The following ABCG2 variants were observed in gnomAD, a reference collection of about 807,000 sequenced individuals.
The protein encoded by ABCG2 is broad substrate specificity ATP-binding cassette transporter ABCG2.
In ABCG2, 80 loss-of-function variants were observed where a neutral mutation model predicts 73.5. That is an observed-to-expected ratio of 1.09 (90% CI 0.91 to 1.31). The LOEUF is 1.31. Among genes scored for constraint, ABCG2 ranks in the 50% most tolerant of loss-of-function variants. The pLI, the probability that ABCG2 is intolerant of heterozygous loss-of-function variation, is 0.00. For synonymous variants in ABCG2, 269 were observed against 282.4 expected (o/e 0.95, Z 0.48); for missense variants, 796 against 786.2 (o/e 1.01, Z -0.15).
chr4:88,203,003 G>C (rs1278525675), intron 1 of ABCG2, among the ~76,000 whole-genome samples: 1 of 151,984 alleles, frequency 6.6e-6, no homozygotes, highest in East Asian at 1.9e-4. Flanking sequence ...AATAGGGTAG[G>C]TTTCCATTTA....
chr4:88,212,921 C>T (rs1332928348), intron 1 of ABCG2, among the ~76,000 whole-genome samples: 2 of 152,050 alleles, frequency 1.3e-5, no homozygotes, highest in Non-Finnish European at 2.9e-5. Context: ...TTTTTTGAGA[C>T]AGGGTTTTGC....
intron 5 of ABCG2, among the ~76,000 whole-genome samples, chr4:88,124,441 A>G (rs1724242039): frequency 6.6e-6 from 1 of 152,358 alleles, no homozygotes; most frequent in African/African-American, 2.4e-5. Flanking sequence ...AGATACACAT[A>G]GGCTCAAAAT....
At chr4:88,165,314 G>A (rs1727473192) in intron 1 of ABCG2, among the ~76,000 whole-genome samples, 1 of 152,334 alleles carries the variant, frequency 6.6e-6, no homozygotes. Flanking sequence ...TGGGTCAGAA[G>A]TCTAAAATGG....
At chr4:88,209,293 G>A (rs1423799112) in intron 1 of ABCG2, among the ~76,000 whole-genome samples, 2 of 124,080 alleles carry the variant, frequency 1.6e-5, no homozygotes, top group African/African-American at 3.2e-5. Flanking sequence ...CTGGGCGACA[G>A]AGCGAGACTC....
At chr4:88,114,834 G>A in intron 8 of ABCG2, 123 bp downstream of exon 8, 1 of 582,180 alleles carries the variant, frequency 1.7e-6, no homozygotes, top group East Asian at 2.9e-5. Context: ...TATTTGTGTT[G>A]ACTGGTATCA....
chr4:88,179,341 G>C (rs776171156), intron 1 of ABCG2, among the ~76,000 whole-genome samples: 7 of 152,170 alleles, frequency 4.6e-5, no homozygotes, highest in Non-Finnish European at 1.0e-4. Context: ...CAGCGCGACA[G>C]GGCTTGGGGT....
intron 1 of ABCG2, among the ~76,000 whole-genome samples, chr4:88,156,369 T>TTAA (rs1390629530): frequency 5.5e-5 from 1 of 18,342 alleles, no homozygotes; most frequent in Admixed American, 1.1e-3. Flanking sequence ...AGACTCCGTC[T>TTAA]CAAAAAAAAA....
At position 88,097,313 on chromosome 4, in the gene ABCG2, T is replaced by G; in HGVS notation, c.1647+140A>C. ...AGTTAGTATATTCTCTAACATAATC[T>G]ATTCCAGTAGATGGCCTTAAGTAAA... On this transcript the variant is annotated intron_variant, in intron 13 of 15. Coordinates refer to ENST00000237612, the MANE Select transcript of ABCG2 (RefSeq NM_004827.3). The G allele has an allele frequency of 3.3e-6, 3 of 899,904 alleles. No homozygotes were observed. In the South Asian group the frequency reaches 5.6e-5, roughly 17 times the overall value. The allele number at this position is 899,904 out of a possible 1,614,324, so 55.7% of individuals were successfully genotyped here.
At position 88,166,114 on chromosome 4, in the gene ABCG2, A is replaced by G. The variant is rs753287319; in HGVS notation, c.-19-26100T>C. Reference sequence around the variant, plus strand: ...AAGAGTATTTTAAACTGAAACATTTAAGACACAGCAGATACAGAAAGAAGC... The same window carrying G: ...AAGAGTATTTTAAACTGAAACATTTGAGACACAGCAGATACAGAAAGAAGC... On this transcript the variant is annotated intron_variant, in intron 1 of 15. Transcript: ENST00000515655. Among the ~76,000 whole-genome samples the G allele has an allele frequency of 5.1e-4, 78 of 152,136 alleles. 1 individual carries two copies. Among genetic ancestry groups the G allele is most frequent in the Non-Finnish European group, 4.4e-4 (30 of 68,028 alleles).
At chr4:88,099,188 A>C in intron 12 of ABCG2, 136 bp downstream of exon 12, 2 of 804,064 alleles carry the variant, frequency 2.5e-6, no homozygotes, top group South Asian at 4.6e-5. Context: ...CAGAGAGTGC[A>C]AAATGGACAG....
At chr4:88,154,499 C>G (rs959199455) in intron 1 of ABCG2, among the ~76,000 whole-genome samples, 3 of 152,148 alleles carry the variant, frequency 2.0e-5, no homozygotes, top group Admixed American at 6.5e-5. Context: ...GAGTGGTAGC[C>G]TCAATGATAG....
At chr4:88,171,795 A>C (rs1038043799) in intron 1 of ABCG2, among the ~76,000 whole-genome samples, 8 of 152,044 alleles carry the variant, frequency 5.3e-5, no homozygotes, top group African/African-American at 1.9e-4. Flanking sequence ...GACACCTGGG[A>C]ATATTACCCA....
chr4:88,166,093 G>A (rs1727507936), intron 1 of ABCG2, among the ~76,000 whole-genome samples: 1 of 152,134 alleles, frequency 6.6e-6, no homozygotes, highest in South Asian at 2.1e-4. Flanking sequence ...GGTATGAAGA[G>A]TATTTTAAAC....
intron 1 of ABCG2, among the ~76,000 whole-genome samples, chr4:88,167,418 G>A (rs1301085699): frequency 7.4e-6 from 1 of 134,962 alleles, no homozygotes; most frequent in Non-Finnish European, 1.5e-5. Context: ...CTGTTGCCCA[G>A]GCTGGAGTAC....
intron 1 of ABCG2, among the ~76,000 whole-genome samples, chr4:88,196,741 G>A (rs1029839710): frequency 1.3e-5 from 2 of 149,388 alleles, no homozygotes; most frequent in African/African-American, 2.5e-5. Flanking sequence ...CTGGGCCCAC[G>A]TTTTACCTCC....
At chr4:88,228,143 T>A (rs1730305000) in intron 1 of ABCG2, among the ~76,000 whole-genome samples, 1 of 152,202 alleles carries the variant, frequency 6.6e-6, no homozygotes, top group African/African-American at 2.4e-5. Flanking sequence ...CTGTAACACT[T>A]CACAAAATGA....
intron 1 of ABCG2, among the ~76,000 whole-genome samples, chr4:88,169,649 C>T (rs80297013): frequency 2.0e-5 from 3 of 152,058 alleles, no homozygotes; most frequent in African/African-American, 4.8e-5. Context: ...ATGCTCCAAA[C>T]GGCACAAACA....
At chr4:88,112,547 CT>C (rs898039351) in intron 9 of ABCG2, among the ~76,000 whole-genome samples, 5 of 152,080 alleles carry the variant, frequency 3.3e-5, no homozygotes, top group African/African-American at 1.2e-4. Context: ...TCATAACTGT[CT>C]TCCTCAAAAA....
chr4:88,221,704 T>C lies in ABCG2; in HGVS notation c.-20+9290A>G, dbSNP rs377603162. 4.6e-5 allele frequency among the ~76,000 whole-genome samples: 7 copies of C among 152,306 alleles called. No homozygotes were observed. The East Asian group carries it at 1.2e-3, about 25-fold the overall frequency. On this transcript the variant is annotated intron_variant, in intron 1 of 15. Transcript: ENST00000515655. ...AACAAGACTGGTGGCATTTTGTCCCTGCCCTAGAGATCTGTGGAACTTTGA... is the reference window on the plus strand; with the variant it reads ...AACAAGACTGGTGGCATTTTGTCCCCGCCCTAGAGATCTGTGGAACTTTGA...
Sources: gnomAD v4.1 joint callset for allele counts (sites outside exome capture counted in the v4.1 genomes callset) on GRCh38, gnomAD v4.1.1 for gene constraint, MANE v1.5 for transcripts, NCBI Gene and HGNC (gene_info 2026-07-23, HGNC 2026-07-21) for gene names.